The following SUPT3H variants were observed in gnomAD, a reference collection of about 807,000 sequenced individuals.
SUPT3H encodes the protein SPT3 homolog, SAGA and STAGA complex component, also known as transcription initiation protein SPT3 homolog.
In SUPT3H, 44 loss-of-function variants were observed where a neutral mutation model predicts 44.3. The observed-to-expected ratio is 0.99, with a 90% CI of 0.78 to 1.28. SUPT3H has a LOEUF of 1.28. Among genes scored for constraint, SUPT3H ranks in the 50% most tolerant of loss-of-function variants. The pLI is 0.00. For synonymous variants in SUPT3H, 124 were observed against 125.6 expected, an observed-to-expected ratio of 0.99 and a Z score of 0.09; for missense variants, 380 against 387.1, an observed-to-expected ratio of 0.98 and a Z score of 0.15.
chr6:45,354,300 T>A (rs955891325), intron 2 of SUPT3H, among the ~76,000 whole-genome samples: 2 of 151,910 alleles, frequency 1.3e-5, no homozygotes, highest in African/African-American at 4.8e-5. Flanking sequence ...AATAAAAAGA[T>A]CTGATAACAT....
intron 2 of SUPT3H, among the ~76,000 whole-genome samples, chr6:45,138,551 T>C (rs1804680126): frequency 6.6e-6 from 1 of 152,058 alleles, no homozygotes; most frequent in Non-Finnish European, 1.5e-5. Flanking sequence ...TGATACAACA[T>C]GAATGTCCCT....
intron 10 of SUPT3H, among the ~76,000 whole-genome samples, chr6:44,909,071 AC>A (rs1221761454): frequency 4.0e-5 from 6 of 151,524 alleles, no homozygotes; most frequent in Non-Finnish European, 8.8e-5. Context: ...ATCTTTAATT[AC>A]CCCCTTAATA....
At chr6:45,270,260 T>C (rs964666086) in intron 2 of SUPT3H, among the ~76,000 whole-genome samples, 6 of 152,090 alleles carry the variant, frequency 3.9e-5, no homozygotes, top group South Asian at 2.1e-4. Context: ...AATTTAGCCA[T>C]GTCAGTGCAG....
chr6:45,064,893 CA>C (rs548164502), intron 3 of SUPT3H, among the ~76,000 whole-genome samples: 2,785 of 146,720 alleles, frequency 0.019, 50 homozygotes, highest in South Asian at 0.085. Context: ...CAACATTAGA[CA>C]GATCAACGAG....
chr6:44,893,227 AT>A (rs568518046), intron 10 of SUPT3H, among the ~76,000 whole-genome samples: 75 of 151,908 alleles, frequency 4.9e-4, no homozygotes, highest in African/African-American at 1.4e-3. Context: ...ATAAAAATGT[AT>A]TTTTTTTAAT....
chr6:45,210,596 A>T (rs989819699), intron 2 of SUPT3H, among the ~76,000 whole-genome samples: 1 of 152,140 alleles, frequency 6.6e-6, no homozygotes, highest in African/African-American at 2.4e-5. Flanking sequence ...GTCTCCCTAA[A>T]ATATGTAAAA....
At chr6:45,326,101 T>A (rs948432813) in intron 2 of SUPT3H, among the ~76,000 whole-genome samples, 1 of 151,864 alleles carries the variant, frequency 6.6e-6, no homozygotes, top group African/African-American at 2.4e-5. Context: ...GACAAATAGA[T>A]GTTAAAAATT....
chr6:44,891,854 A>T (rs1011279334), intron 10 of SUPT3H, among the ~76,000 whole-genome samples: 1 of 152,024 alleles, frequency 6.6e-6, no homozygotes, highest in African/African-American at 2.4e-5. Flanking sequence ...AAAAAAAAAG[A>T]CAAATAAAAT....
intron 2 of SUPT3H, among the ~76,000 whole-genome samples, chr6:45,198,823 T>G (rs1214248125): frequency 6.6e-6 from 1 of 151,322 alleles, no homozygotes; most frequent in Non-Finnish European, 1.5e-5. Flanking sequence ...AGCTACCTAT[T>G]ATTTTTAAGT....
chr6:45,195,007 T>A (rs1017252976), intron 2 of SUPT3H, among the ~76,000 whole-genome samples: 1 of 152,194 alleles, frequency 6.6e-6, no homozygotes, highest in African/African-American at 2.4e-5. Flanking sequence ...TTGAAATCTG[T>A]GAATCTAATT....
At chr6:45,088,697 C>T (rs1396220371) in intron 3 of SUPT3H, among the ~76,000 whole-genome samples, 10 of 151,936 alleles carry the variant, frequency 6.6e-5, no homozygotes, top group Admixed American at 6.6e-4. Context: ...TCAGGGGAGT[C>T]ACATCTAGAA....
chr6:45,116,787 T>C (rs1227047821), intron 2 of SUPT3H, among the ~76,000 whole-genome samples: 1 of 152,174 alleles, frequency 6.6e-6, no homozygotes, highest in Admixed American at 6.5e-5. Flanking sequence ...TAACTTTTAG[T>C]AAATTTACAG....
At chr6:44,972,511 T>C (rs896917521) in intron 6 of SUPT3H, among the ~76,000 whole-genome samples, 11 of 152,132 alleles carry the variant, frequency 7.2e-5, no homozygotes, top group African/African-American at 2.7e-4. Flanking sequence ...GTGCAAGCTG[T>C]CAGTGGATCT....
At chr6:44,955,657 A>G (rs1775012550) in intron 7 of SUPT3H, 1 of 152,182 alleles carries the variant, frequency 6.6e-6, no homozygotes, top group Non-Finnish European at 1.5e-5. Context: ...ACTCTCACTT[A>G]TAACTGAGAG....
intron 5 of SUPT3H, among the ~76,000 whole-genome samples, chr6:45,007,258 C>T (rs1782844315): frequency 6.6e-6 from 1 of 152,092 alleles, no homozygotes; most frequent in South Asian, 2.1e-4. Flanking sequence ...AAGAATTTTA[C>T]TAAGACATTC....
In SUPT3H at chr6:45,295,524, C is replaced by CAAAA. The variant is rs752887669; in HGVS notation, c.101+69673_101+69676dup. On this transcript the variant is annotated intron_variant, in intron 2 of 10. Coordinates refer to ENST00000371459, the MANE Select transcript of SUPT3H (RefSeq NM_003599.4). The stretch of plus-strand genomic sequence containing the variant: ...ATTAAACGAAAGAGCTTTTGCACAG[C>CAAAA]AAAAAAAAAAAAAAAAAAAAAAAAA... Among the ~76,000 whole-genome samples the CAAAA allele has an allele frequency of 4.2e-3, 167 of 40,086 alleles. 10 individuals are homozygous for CAAAA. The highest frequency in any genetic ancestry group is 0.02 in the East Asian group (8 of 404). 26.3% of individuals were successfully genotyped at this position (40,086 alleles called of 152,430 possible).
At chr6:45,170,308 T>C (rs1471872857) in intron 2 of SUPT3H, among the ~76,000 whole-genome samples, 1 of 152,204 alleles carries the variant, frequency 6.6e-6, no homozygotes, top group Non-Finnish European at 1.5e-5. Flanking sequence ...TAAAGACAAT[T>C]AAAAACTTTG....
At chr6:45,038,774 T>C (rs2153528534) in intron 3 of SUPT3H, among the ~76,000 whole-genome samples, 1 of 152,250 alleles carries the variant, frequency 6.6e-6, no homozygotes, top group Non-Finnish European at 1.5e-5. Flanking sequence ...GGAAATGATT[T>C]TGACAAAGTT....
intron 3 of SUPT3H, among the ~76,000 whole-genome samples, chr6:45,031,972 A>G (rs1365778493): frequency 6.6e-6 from 1 of 152,202 alleles, no homozygotes; most frequent in Non-Finnish European, 1.5e-5. Flanking sequence ...ATTCTATTCA[A>G]TAGTTCCAGG....
Sources: gnomAD v4.1 joint callset for allele counts (sites outside exome capture counted in the v4.1 genomes callset) on GRCh38, gnomAD v4.1.1 for gene constraint, MANE v1.5 for transcripts, NCBI Gene and HGNC (gene_info 2026-07-23, HGNC 2026-07-21) for gene names.